VPS53: variants seen among roughly 807,000 people sequenced by gnomAD.
VPS53 encodes VPS53 subunit of GARP complex.
VPS53 carries 70 observed loss-of-function variants against 107.0 expected under a neutral mutation model. The ratio of observed to expected loss-of-function variants is 0.65; its 90% CI spans 0.54 to 0.80. The LOEUF is 0.80. Among genes scored for constraint, VPS53 ranks in the 30% least tolerant of loss-of-function variants. The pLI, the probability that VPS53 is intolerant of heterozygous loss-of-function variation, is 0.00. For missense variants in VPS53, 917 were observed against 1,049.4 expected (o/e 0.87, Z 1.74); for synonymous variants, 409 against 393.3 (o/e 1.04, Z -0.47).
In VPS53 at chr17:653,400, T is replaced by G. The variant is rs748075889; in HGVS notation, c.499A>C (p.Arg167=). Reference sequence around the variant, plus strand: ...GCAACTTCTCCGTATTGTCTTCGCCTGGTCATGGCTCTGCAAGGAAAGAAT... The same window carrying G: ...GCAACTTCTCCGTATTGTCTTCGCCGGGTCATGGCTCTGCAAGGAAAGAAT... ...GGVDSLEAMT[R]RRQYGEVANL... is the part of the protein sequence containing the mutation. The change falls in exon 7 of 22, where the codon AGG becomes CGG. Residue 167 remains arginine, a synonymous_variant. Transcript: ENST00000437048. 1.2e-6 allele frequency: 2 copies of G among 1,614,260 alleles called. No individual in the cohort carries two copies. The highest frequency in any genetic ancestry group is 1.7e-6 in the Non-Finnish European group (2 of 1,180,044).
chr17:557,855 C>CTT (rs773408955), intron 15 of VPS53, among the ~76,000 whole-genome samples: 31 of 125,588 alleles, frequency 2.5e-4, no homozygotes, highest in Admixed American at 4.9e-4. Flanking sequence ...TAAGGATTAT[C>CTT]TTTTTTTTTT....
intron 13 of VPS53, among the ~76,000 whole-genome samples, chr17:585,154 G>A (rs921228982): frequency 1.3e-5 from 2 of 152,182 alleles, no homozygotes; most frequent in Non-Finnish European, 2.9e-5. Context: ...AAGACAGTTG[G>A]CAGGTACCAC....
intron 11 of VPS53, among the ~76,000 whole-genome samples, chr17:607,107 T>A (rs1968622744): frequency 6.6e-6 from 1 of 152,198 alleles, no homozygotes; most frequent in Admixed American, 6.5e-5. Context: ...AAGGGGAAGC[T>A]TTGAGCAGTA....
At chr17:571,872 G>C (rs1336597569) in intron 13 of VPS53, among the ~76,000 whole-genome samples, 4 of 149,064 alleles carry the variant, frequency 2.7e-5, no homozygotes, top group African/African-American at 1.0e-4. Flanking sequence ...TGGAGTGCAG[G>C]GGCGTGATCT....
intron 12 of VPS53, among the ~76,000 whole-genome samples, chr17:592,839 C>T (rs1967739113): frequency 6.6e-6 from 1 of 152,084 alleles, no homozygotes; most frequent in African/African-American, 2.4e-5. Flanking sequence ...TCATTTCAAC[C>T]TTGGTGAATC....
chr17:576,438 A>C (rs1914618769), intron 13 of VPS53, among the ~76,000 whole-genome samples: 3 of 150,696 alleles, frequency 2.0e-5, no homozygotes. Flanking sequence ...ATGCATTCCC[A>C]GAAAACATAC....
At chr17:670,112 C>G (rs1002996652) in intron 4 of VPS53, among the ~76,000 whole-genome samples, 5 of 152,046 alleles carry the variant, frequency 3.3e-5, no homozygotes, top group African/African-American at 1.2e-4. Flanking sequence ...GACTCAAATT[C>G]TATACACACA....
intron 4 of VPS53, among the ~76,000 whole-genome samples, chr17:666,389 C>T (rs1434908196): frequency 1.3e-5 from 2 of 152,144 alleles, no homozygotes; most frequent in Admixed American, 6.5e-5. Flanking sequence ...AGAGGCTGGG[C>T]GCAGTGGCTC....
intron 4 of VPS53, among the ~76,000 whole-genome samples, chr17:666,351 G>T (rs1347278904): frequency 6.6e-6 from 1 of 152,142 alleles, no homozygotes; most frequent in Non-Finnish European, 1.5e-5. Flanking sequence ...AAGAGTGATT[G>T]TGCCTTCTGT....
rs546241162 is a variant in VPS53 at position 541,278 on chromosome 17, G to A, written c.1867-4102C>T. Among the ~76,000 whole-genome samples the A allele has an allele frequency of 4.3e-3, 659 of 152,328 alleles. 4 individuals are homozygous for A. Among genetic ancestry groups the A allele is most frequent in the African/African-American group, 0.015 (631 of 41,564 alleles). The stretch of plus-strand genomic sequence containing the variant: ...CCTTCGGCAAGTGCAGCAGGGCACT[G>A]AGCATCAGGTGGAGACCAAAGAGAT... On this transcript the variant is annotated intron_variant, in intron 17 of 21. Coordinates refer to ENST00000437048, the MANE Select transcript of VPS53 (RefSeq NM_001128159.3).
chr17:591,754 T>C (rs555214625), intron 12 of VPS53, among the ~76,000 whole-genome samples: 23 of 152,360 alleles, frequency 1.5e-4, no homozygotes, highest in African/African-American at 5.1e-4. Context: ...TAGTTTGTTA[T>C]AATTTCTTTT....
At chr17:583,238 C>A (rs952642926) in intron 13 of VPS53, among the ~76,000 whole-genome samples, 3 of 150,778 alleles carry the variant, frequency 2.0e-5, no homozygotes, top group Non-Finnish European at 4.4e-5. Flanking sequence ...TCCCAGAGAA[C>A]CTCCTTCGGA....
At chr17:598,164 G>T (rs1968080599) in intron 12 of VPS53, among the ~76,000 whole-genome samples, 1 of 152,126 alleles carries the variant, frequency 6.6e-6, no homozygotes, top group Admixed American at 6.5e-5. Flanking sequence ...GGTTTCGCTG[G>T]GTTGGCCAGG....
At chr17:543,813 AAGGGAGGGAGGG>A (rs1172563287) in intron 17 of VPS53, among the ~76,000 whole-genome samples, 5 of 42,382 alleles carry the variant, frequency 1.2e-4, no homozygotes, top group African/African-American at 2.4e-4. Context: ...GGAAGGAAGG[AAGGGAGGGAGGG>A]AGGGAGGGAG....
intron 12 of VPS53, among the ~76,000 whole-genome samples, chr17:591,991 G>T (rs1967685102): frequency 6.6e-6 from 1 of 152,044 alleles, no homozygotes; most frequent in South Asian, 2.1e-4. Flanking sequence ...TGACAGTGGG[G>T]TGTTAAAGTC....
intron 4 of VPS53, among the ~76,000 whole-genome samples, chr17:662,866 GAAGGAA>G (rs1567720198): frequency 4.3e-5 from 5 of 115,694 alleles, no homozygotes; most frequent in Non-Finnish European, 1.0e-4. Context: ...AGGAAGGAAG[GAAGGAA>G]CGAAGGAAGG....
At chr17:654,859 C>T (rs1343406170) in intron 6 of VPS53, among the ~76,000 whole-genome samples, 2 of 152,128 alleles carry the variant, frequency 1.3e-5, no homozygotes, top group South Asian at 4.1e-4. Flanking sequence ...CTTACCACTG[C>T]CTGGTCTGAT....
intron 13 of VPS53, among the ~76,000 whole-genome samples, chr17:578,534 A>G (rs924732819): frequency 4.0e-5 from 6 of 150,534 alleles, no homozygotes; most frequent in African/African-American, 1.2e-4. Context: ...GCGTTCCCAG[A>G]GATCCTCCCT....
intron 13 of VPS53, among the ~76,000 whole-genome samples, chr17:577,622 T>C (rs1192912548): frequency 6.6e-6 from 1 of 151,396 alleles, no homozygotes; most frequent in Non-Finnish European, 1.5e-5. Flanking sequence ...AGGACCTCAA[T>C]GCGTTCCCAG....
Sources: allele counts gnomAD v4.1 joint callset (sites outside exome capture counted in the v4.1 genomes callset), GRCh38; gene constraint gnomAD v4.1.1; transcripts MANE v1.5; gene names NCBI Gene and HGNC (gene_info 2026-07-23, HGNC 2026-07-21).